The following ADGRG6 variants were observed in gnomAD, a reference collection of about 807,000 sequenced individuals.
The protein encoded by ADGRG6 is adhesion G protein-coupled receptor G6, also known as G-protein coupled receptor 126.
In ADGRG6, 84 loss-of-function variants were observed where a neutral mutation model predicts 142.4. The observed-to-expected ratio is 0.59, with a 90% CI of 0.49 to 0.71. The LOEUF (loss-of-function observed/expected upper bound fraction) is 0.71, where lower values mean the gene tolerates loss of function less well. Among genes scored for constraint, ADGRG6 ranks in the 30% least tolerant of loss-of-function variants. ADGRG6 has a pLI of 0.00. For synonymous variants in ADGRG6, 521 were observed against 520.5 expected (o/e 1.00, Z -0.01); for missense variants, 1,367 against 1,466.6 (o/e 0.93, Z 1.11).
chr6:142,380,045 G>C (rs1157262058), intron 4 of ADGRG6, among the ~76,000 whole-genome samples: 2 of 152,124 alleles, frequency 1.3e-5, no homozygotes, highest in African/African-American at 2.4e-5. Flanking sequence ...AGGGCTTCCA[G>C]GTCATAGGTA....
At chr6:142,375,127 A>G (rs1234721360) in intron 4 of ADGRG6, among the ~76,000 whole-genome samples, 1 of 152,086 alleles carries the variant, frequency 6.6e-6, no homozygotes, top group Non-Finnish European at 1.5e-5. Context: ...TATGAGTTCA[A>G]CCTTTTTAGG....
intron 3 of ADGRG6, among the ~76,000 whole-genome samples, chr6:142,368,353 G>C (rs117767759): frequency 6.6e-6 from 1 of 152,110 alleles, no homozygotes; most frequent in Non-Finnish European, 1.5e-5. Flanking sequence ...GCTATTAACA[G>C]TTTAAGCTAA....
intron 2 of ADGRG6, among the ~76,000 whole-genome samples, chr6:142,333,914 A>G (rs1426081139): frequency 6.6e-6 from 1 of 152,170 alleles, no homozygotes; most frequent in African/African-American, 2.4e-5. Context: ...TTCTGTCTCT[A>G]ATCCTATGGC....
intron 2 of ADGRG6, among the ~76,000 whole-genome samples, chr6:142,347,373 T>G (rs1393473404): frequency 2.0e-5 from 3 of 152,204 alleles, no homozygotes; most frequent in Non-Finnish European, 4.4e-5. Context: ...GGAAACCAAA[T>G]TTTAATGTCA....
At chr6:142,387,274 CT>C (rs1010594534) in intron 6 of ADGRG6, among the ~76,000 whole-genome samples, 3 of 152,102 alleles carry the variant, frequency 2.0e-5, no homozygotes, top group African/African-American at 4.8e-5. Context: ...GAATAGTAAG[CT>C]TTTGTGAGGT....
chr6:142,323,577 G>C (rs1778621492), intron 2 of ADGRG6, among the ~76,000 whole-genome samples: 1 of 152,180 alleles, frequency 6.6e-6, no homozygotes, highest in African/African-American at 2.4e-5. Context: ...AACGACAAAG[G>C]TATGTTCTAA....
chr6:142,311,191 T>C (rs1172307544), intron 2 of ADGRG6, among the ~76,000 whole-genome samples: 1 of 151,908 alleles, frequency 6.6e-6, no homozygotes, highest in African/African-American at 2.4e-5. Context: ...GCACTCATTC[T>C]CAAGGCCACC....
chr6:142,418,663 A>G (rs1424571612), intron 21 of ADGRG6, among the ~76,000 whole-genome samples: 1 of 152,166 alleles, frequency 6.6e-6, no homozygotes, highest in African/African-American at 2.4e-5. Context: ...CATTTCATTT[A>G]TTGATAATTT....
intron 18 of ADGRG6, among the ~76,000 whole-genome samples, chr6:142,411,726 C>T (rs534565788): frequency 3.3e-5 from 5 of 151,558 alleles, no homozygotes; most frequent in Non-Finnish European, 7.4e-5. Flanking sequence ...AAGAGATGGA[C>T]GGGGAGACAA....
intron 9 of ADGRG6, 91 bp downstream of exon 9, chr6:142,394,049 A>G: frequency 1.2e-6 from 1 of 838,016 alleles, no homozygotes; most frequent in East Asian, 2.7e-5. Flanking sequence ...TAGATAGGAA[A>G]GAAAAACTTA....
chr6:142,417,190 C>T, intron 20 of ADGRG6, 83 bp from the exon 21 acceptor site: 1 of 778,890 alleles, frequency 1.3e-6, no homozygotes, highest in Non-Finnish European at 2.3e-6. Context: ...CTTTTCATTT[C>T]TTTTCTTTAC....
At chr6:142,421,171 C>A (rs992373999) in intron 22 of ADGRG6, among the ~76,000 whole-genome samples, 4 of 152,112 alleles carry the variant, frequency 2.6e-5, no homozygotes, top group Admixed American at 2.6e-4. Flanking sequence ...CATGCTCTTC[C>A]ACTAGCTTGT....
At chr6:142,347,984 T>G (rs895254225) in intron 2 of ADGRG6, among the ~76,000 whole-genome samples, 4 of 152,194 alleles carry the variant, frequency 2.6e-5, no homozygotes, top group African/African-American at 9.6e-5. Context: ...GGTTTATTTT[T>G]CATAAATATG....
At position 142,365,017 on chromosome 6, in the gene ADGRG6, T is replaced by C. The variant is rs9496353; in HGVS notation, c.104-2552T>C. On this transcript the variant is annotated intron_variant, in intron 2 of 24. Coordinates refer to ENST00000367609, the MANE Select transcript of ADGRG6 (RefSeq NM_198569.3). ...GCATCTCTTCTTGGAAAAATGATGC[T>C]GCCTGTCTGCATGTTGCGATGACAG... Among the ~76,000 whole-genome samples the C allele has an allele frequency of 4.8e-3, 732 of 152,314 alleles. 9 individuals are homozygous for C. The highest frequency in any genetic ancestry group is 0.017 in the African/African-American group (695 of 41,570).
At chr6:142,371,674 A>G (rs900575544) in intron 4 of ADGRG6, among the ~76,000 whole-genome samples, 3 of 151,540 alleles carry the variant, frequency 2.0e-5, no homozygotes, top group Non-Finnish European at 2.9e-5. Flanking sequence ...TTTAGTAGAG[A>G]TGGGGTTTCA....
At chr6:142,406,768 G>A (rs945406870) in intron 15 of ADGRG6, among the ~76,000 whole-genome samples, 8 of 152,114 alleles carry the variant, frequency 5.3e-5, no homozygotes, top group African/African-American at 1.7e-4. Context: ...TATCCTGAAA[G>A]ATTTAATAGC....
Position 142,428,337 on chromosome 6 carries a change from G to T in ADGRG6, c.3319+8233G>T, listed in dbSNP as rs182175273. Among the ~76,000 whole-genome samples, 838 of 152,006 alleles carry T rather than the reference G, an allele frequency of 5.5e-3. 41 individuals carry two copies. In the South Asian group the frequency reaches 0.12, roughly 22 times the overall value. ...CAAAAATTATGTTAAATGGGTATCA[G>T]AAAATTGTTACTATCTGTTTGATTA... On this transcript the variant is annotated intron_variant, in intron 22 of 24. Coordinates refer to ENST00000367609, the MANE Select transcript of ADGRG6 (RefSeq NM_198569.3).
intron 2 of ADGRG6, among the ~76,000 whole-genome samples, chr6:142,317,802 A>ATAT (rs1778182794): frequency 2.2e-5 from 2 of 90,184 alleles, no homozygotes; most frequent in African/African-American, 9.5e-5. Flanking sequence ...TATATATATT[A>ATAT]TATATATTTA....
chr6:142,351,156 C>CAGG (rs1327669721), intron 2 of ADGRG6, among the ~76,000 whole-genome samples: 2 of 152,016 alleles, frequency 1.3e-5, no homozygotes, highest in Non-Finnish European at 2.9e-5. Context: ...CAGGAGAACT[C>CAGG]AGGAGGCGGA....
Sources: gnomAD v4.1 joint callset for allele counts (sites outside exome capture counted in the v4.1 genomes callset) on GRCh38, gnomAD v4.1.1 for gene constraint, MANE v1.5 for transcripts, NCBI Gene and HGNC (gene_info 2026-07-23, HGNC 2026-07-21) for gene names.